Variants in SH3GL3 observed in about 807,000 individuals in gnomAD.
The protein encoded by SH3GL3 is endophilin-A3.
A neutral mutation model predicts 47.7 loss-of-function variants in SH3GL3; 33 were observed. That is an observed-to-expected ratio of 0.69 (90% CI 0.52 to 0.92). The LOEUF (loss-of-function observed/expected upper bound fraction) is 0.92. Among genes scored for constraint, SH3GL3 ranks in the 40% least tolerant of loss-of-function variants. SH3GL3 has a pLI of 0.00. For synonymous variants in SH3GL3, 155 were observed against 148.8 expected, an observed-to-expected ratio of 1.04 and a Z score of -0.30; for missense variants, 363 against 417.8, an observed-to-expected ratio of 0.87 and a Z score of 1.14.
intron 5 of SH3GL3, among the ~76,000 whole-genome samples, chr15:83,575,575 A>G (rs1483897625): frequency 6.6e-6 from 1 of 152,194 alleles, no homozygotes; most frequent in South Asian, 2.1e-4. Context: ...GGGCCTGTTC[A>G]TTTGACATAC....
chr15:83,463,947 A>G (rs751348313), intron 1 of SH3GL3, among the ~76,000 whole-genome samples: 14 of 151,836 alleles, frequency 9.2e-5, no homozygotes, highest in Non-Finnish European at 2.1e-4. Flanking sequence ...TTTTTAGTAG[A>G]GATGGGGTTT....
intron 6 of SH3GL3, among the ~76,000 whole-genome samples, chr15:83,579,418 A>G (rs1034677337): frequency 6.6e-6 from 1 of 152,122 alleles, no homozygotes; most frequent in Non-Finnish European, 1.5e-5. Context: ...TCTGGCTTCT[A>G]CTTCTGCCAT....
chr15:83,607,113 TAAGACATA>T (rs1303794315), intron 8 of SH3GL3, among the ~76,000 whole-genome samples: 1 of 152,186 alleles, frequency 6.6e-6, no homozygotes, highest in Non-Finnish European at 1.5e-5. Context: ...TGAAAAGCCG[TAAGACATA>T]AATTCTAACT....
At chr15:83,549,320 G>A (rs1009584320) in intron 1 of SH3GL3, among the ~76,000 whole-genome samples, 2 of 152,202 alleles carry the variant, frequency 1.3e-5, no homozygotes, top group Non-Finnish European at 2.9e-5. Flanking sequence ...CATATTGTGT[G>A]TGAAGAATTG....
chr15:83,589,392 T>A (rs920330335), intron 8 of SH3GL3, among the ~76,000 whole-genome samples: 1 of 152,216 alleles, frequency 6.6e-6, no homozygotes, highest in Non-Finnish European at 1.5e-5. Flanking sequence ...TTTTTTCTTT[T>A]TTGAGACAAA....
chr15:83,463,767 C>CTTTTTTTTTTTTT (rs910419812), intron 1 of SH3GL3, among the ~76,000 whole-genome samples: 3 of 122,926 alleles, frequency 2.4e-5, no homozygotes, highest in African/African-American at 3.2e-5. Flanking sequence ...TTCTTTCTTT[C>CTTTTTTTTTTTTT]TTTTTTTTTT....
chr15:83,513,392 C>T (rs1027865138), intron 1 of SH3GL3, among the ~76,000 whole-genome samples: 1 of 152,156 alleles, frequency 6.6e-6, no homozygotes, highest in Non-Finnish European at 1.5e-5. Context: ...TTTCAGGCCC[C>T]AACTCCACTC....
chr15:83,479,866 T>C (rs887177720), intron 1 of SH3GL3, among the ~76,000 whole-genome samples: 1 of 152,236 alleles, frequency 6.6e-6, no homozygotes, highest in Non-Finnish European at 1.5e-5. Flanking sequence ...TTTCCTCATC[T>C]GTAAAATGAA....
At chr15:83,551,300 TC>T (rs2044657071) in intron 1 of SH3GL3, among the ~76,000 whole-genome samples, 1 of 152,216 alleles carries the variant, frequency 6.6e-6, no homozygotes, top group African/African-American at 2.4e-5. Context: ...AATCTTCTTT[TC>T]CACTGGGGGA....
intron 1 of SH3GL3, among the ~76,000 whole-genome samples, chr15:83,494,602 G>T (rs2042006498): frequency 6.6e-6 from 1 of 151,082 alleles, no homozygotes; most frequent in Non-Finnish European, 1.5e-5. Flanking sequence ...GAGTGCAATG[G>T]TGTCATCTTG....
At chr15:83,608,856 G>A (rs1156938619) in intron 8 of SH3GL3, among the ~76,000 whole-genome samples, 1 of 151,772 alleles carries the variant, frequency 6.6e-6, no homozygotes, top group Non-Finnish European at 1.5e-5. Flanking sequence ...AGGAGACTTG[G>A]GGTCCCATTC....
the SH3GL3 span, among the ~76,000 whole-genome samples, chr15:83,628,189 T>A: frequency 6.6e-6 from 1 of 152,192 alleles, no homozygotes; most frequent in Non-Finnish European, 1.5e-5. Flanking sequence ...TCCATCCACC[T>A]ATCCAACTAG....
intron 1 of SH3GL3, among the ~76,000 whole-genome samples, chr15:83,482,885 A>G (rs2401086): frequency 1.3e-5 from 2 of 152,078 alleles, no homozygotes; most frequent in African/African-American, 4.8e-5. Context: ...TTTCTATGCT[A>G]TACCATTTTT....
At chr15:83,619,837 ACT>A (rs1198662324), downstream of SH3GL3, among the ~76,000 whole-genome samples, 1 of 151,886 alleles carries the variant, frequency 6.6e-6, no homozygotes, top group African/African-American at 2.4e-5. Flanking sequence ...GTATGGGTTG[ACT>A]CTTCCTTTCA....
intron 1 of SH3GL3, among the ~76,000 whole-genome samples, chr15:83,458,642 T>C (rs74024682): frequency 0.012 from 1,859 of 152,280 alleles, 49 homozygotes; most frequent in African/African-American, 0.042. Context: ...TGGAGGGTCT[T>C]GTGAGCTCAT....
At chr15:83,479,470 A>G (rs1467139344) in intron 1 of SH3GL3, among the ~76,000 whole-genome samples, 1 of 152,084 alleles carries the variant, frequency 6.6e-6, no homozygotes, top group East Asian at 1.9e-4. Flanking sequence ...GTTACCATGG[A>G]TGGTAACTGG....
At chr15:83,509,408 T>C (rs2042652042) in intron 1 of SH3GL3, among the ~76,000 whole-genome samples, 1 of 152,234 alleles carries the variant, frequency 6.6e-6, no homozygotes, top group Non-Finnish European at 1.5e-5. Context: ...TTGCTGTGGC[T>C]TTCTGGCTTT....
chr15:83,610,200 C>T (rs2060625172), intron 8 of SH3GL3, among the ~76,000 whole-genome samples: 4 of 152,184 alleles, frequency 2.6e-5, no homozygotes, highest in Admixed American at 2.0e-4. Flanking sequence ...CATTCCAAGC[C>T]CAGCTGATGG....
At chr15:83,619,301 A>G (rs114409478), downstream of SH3GL3, among the ~76,000 whole-genome samples, 1,159 of 152,370 alleles carry the variant, frequency 7.6e-3, 16 homozygotes, top group African/African-American at 0.026. Context: ...ACTGCAATAA[A>G]GCAAATATTG....
Sources: allele counts gnomAD v4.1 joint callset (sites outside exome capture counted in the v4.1 genomes callset), GRCh38; gene constraint gnomAD v4.1.1; transcripts MANE v1.5; gene names NCBI Gene and HGNC (gene_info 2026-07-23, HGNC 2026-07-21).